The following SNX13 variants were observed in gnomAD, a reference collection of about 807,000 sequenced individuals.
SNX13 encodes sorting nexin 13.
SNX13 carries 45 observed loss-of-function variants against 133.6 expected under a neutral mutation model. That is an observed-to-expected ratio of 0.34 (90% CI 0.27 to 0.43). SNX13 has a LOEUF of 0.43. Among genes scored for constraint, SNX13 ranks in the 20% least tolerant of loss-of-function variants. The pLI is 1.00. For synonymous variants in SNX13, 414 were observed against 373.9 expected, an observed-to-expected ratio of 1.11 and a Z score of -1.24; for missense variants, 1,032 against 1,145.1, an observed-to-expected ratio of 0.90 and a Z score of 1.43.
At chr7:17,804,407 A>T (rs1052998007) in intron 20 of SNX13, among the ~76,000 whole-genome samples, 3 of 152,170 alleles carry the variant, frequency 2.0e-5, no homozygotes, top group African/African-American at 7.2e-5. Flanking sequence ...TTATATGTGC[A>T]ATTAAAATCT....
chr7:17,867,883 G>C (rs1374380070), intron 9 of SNX13, among the ~76,000 whole-genome samples: 3 of 152,002 alleles, frequency 2.0e-5, no homozygotes, highest in Non-Finnish European at 4.4e-5. Context: ...AAAAAAAATA[G>C]GGCTTGTGGA....
intron 1 of SNX13, among the ~76,000 whole-genome samples, chr7:17,935,776 CTT>C (rs774780578): frequency 1.5e-4 from 23 of 152,194 alleles, no homozygotes; most frequent in Non-Finnish European, 2.9e-4. Flanking sequence ...TTTCCTACCT[CTT>C]GACACCTCTG....
At chr7:17,840,077 A>C in intron 12 of SNX13, 77 bp from the exon 13 acceptor site, 1 of 1,230,332 alleles carries the variant, frequency 8.1e-7, no homozygotes, top group Non-Finnish European at 1.1e-6. Context: ...ATGACAAGTA[A>C]AGAAGGATTA....
At chr7:17,939,744 A>G (rs1802563917) in intron 1 of SNX13, among the ~76,000 whole-genome samples, 1 of 152,248 alleles carries the variant, frequency 6.6e-6, no homozygotes, top group South Asian at 2.1e-4. Flanking sequence ...GGGATGACCC[A>G]ACTGAGCCAT....
At chr7:17,880,278 C>T (rs1795189764) in intron 5 of SNX13, 2 of 152,300 alleles carry the variant, frequency 1.3e-5, no homozygotes, top group South Asian at 2.1e-4. Flanking sequence ...AGCTGCCTTT[C>T]GCTCACTTAA....
At chr7:17,908,254 C>G in intron 1 of SNX13, among the ~76,000 whole-genome samples, 1 of 152,150 alleles carries the variant, frequency 6.6e-6, no homozygotes, top group East Asian at 1.9e-4. Context: ...GAAACCTTCC[C>G]TTCCTCACAG....
At chr7:17,928,984 C>T (rs6952907) in intron 1 of SNX13, among the ~76,000 whole-genome samples, 90,013 of 151,622 alleles carry the variant, frequency 0.59, 27,171 homozygotes, top group Non-Finnish European at 0.65. Flanking sequence ...CAATAAAAAG[C>T]ATTTTTCAAA....
intron 5 of SNX13, chr7:17,881,140 G>C (rs1171982213): frequency 1.3e-5 from 2 of 152,042 alleles, no homozygotes; most frequent in Non-Finnish European, 2.9e-5. Flanking sequence ...TAGTTTTTCA[G>C]AGAAATGACT....
chr7:17,932,073 T>C (rs992716301), intron 1 of SNX13, among the ~76,000 whole-genome samples: 4 of 152,152 alleles, frequency 2.6e-5, no homozygotes, highest in South Asian at 2.1e-4. Context: ...GTCATACAAA[T>C]TGAAACAGTC....
At chr7:17,823,326 C>A (rs955628401) in intron 17 of SNX13, among the ~76,000 whole-genome samples, 1 of 152,078 alleles carries the variant, frequency 6.6e-6, no homozygotes, top group African/African-American at 2.4e-5. Context: ...TAAAACTGAT[C>A]TTGTAATAAT....
At chr7:17,801,451 C>T in intron 22 of SNX13, 137 bp downstream of exon 22, 1 of 646,728 alleles carries the variant, frequency 1.5e-6, no homozygotes, top group Non-Finnish European at 2.6e-6. Context: ...TGGGCATGTT[C>T]AGTTTGTAAG....
chr7:17,900,759 G>A (rs1395686115), intron 1 of SNX13, among the ~76,000 whole-genome samples: 1 of 152,098 alleles, frequency 6.6e-6, no homozygotes, highest in African/African-American at 2.4e-5. Context: ...CAAGAGCCAA[G>A]GCCTAGAATC....
chr7:17,824,927 GC>G (rs1200278961), intron 17 of SNX13, among the ~76,000 whole-genome samples: 1 of 151,796 alleles, frequency 6.6e-6, no homozygotes, highest in Non-Finnish European at 1.5e-5. Flanking sequence ...GCACCACCAC[GC>G]CCAGCTAATT....
At chr7:17,909,531 C>T (rs967327803) in intron 1 of SNX13, among the ~76,000 whole-genome samples, 1 of 152,246 alleles carries the variant, frequency 6.6e-6, no homozygotes, top group South Asian at 2.1e-4. Flanking sequence ...TAAAAAGGAA[C>T]AAGAGACTAA....
At chr7:17,895,888 A>G (rs1797152839) in intron 2 of SNX13, among the ~76,000 whole-genome samples, 1 of 152,202 alleles carries the variant, frequency 6.6e-6, no homozygotes, top group Non-Finnish European at 1.5e-5. Flanking sequence ...ATAAAGCTGC[A>G]ATATCCTCCC....
chr7:17,858,378 C>T (rs1423812774), intron 9 of SNX13, among the ~76,000 whole-genome samples: 1 of 151,610 alleles, frequency 6.6e-6, no homozygotes, highest in Non-Finnish European at 1.5e-5. Context: ...AATCAAGAAA[C>T]AAATCACATT....
chr7:17,868,692 T>C (rs1049875658), intron 8 of SNX13, among the ~76,000 whole-genome samples: 2 of 152,092 alleles, frequency 1.3e-5, no homozygotes, highest in South Asian at 4.1e-4. Context: ...CTGTATCAAC[T>C]TGGACACATC....
intron 5 of SNX13, chr7:17,882,686 T>C: frequency 1.7e-6 from 1 of 601,536 alleles, no homozygotes; most frequent in Non-Finnish European, 2.3e-6. Flanking sequence ...TTAGTGTGTG[T>C]TTTGGGAGGA....
chr7:17,932,448 G>C (rs1801486855), intron 1 of SNX13, among the ~76,000 whole-genome samples: 1 of 152,076 alleles, frequency 6.6e-6, no homozygotes. Flanking sequence ...TAATATGATG[G>C]TTTAAATTTA....
Sources: gnomAD v4.1 joint callset for allele counts (sites outside exome capture counted in the v4.1 genomes callset) on GRCh38, gnomAD v4.1.1 for gene constraint, MANE v1.5 for transcripts, NCBI Gene and HGNC (gene_info 2026-07-23, HGNC 2026-07-21) for gene names.